Variants in PLEKHM2 observed in about 807,000 individuals in gnomAD.
The protein encoded by PLEKHM2 is pleckstrin homology domain-containing family M member 2.
PLEKHM2 carries 77 observed loss-of-function variants against 116.3 expected under a neutral mutation model. The observed-to-expected ratio is 0.66, with a 90% confidence interval of 0.55 to 0.80. The LOEUF (loss-of-function observed/expected upper bound fraction) is 0.80. PLEKHM2 is among the 30% of genes least tolerant of loss of function. The probability of loss-of-function intolerance (pLI) is 0.00; values close to 1 mark genes in which losing one functional copy is unlikely to be tolerated. For missense variants in PLEKHM2, 1,183 were observed against 1,354.9 expected (o/e 0.87, Z 1.99); for synonymous variants, 562 against 571.0 (o/e 0.98, Z 0.22).
chr1:15,729,774 C>A lies in PLEKHM2; in HGVS notation c.2076-23C>A. The A allele has an allele frequency of 6.2e-7, 1 of 1,600,978 alleles. No homozygotes were observed. Among genetic ancestry groups the A allele is most frequent in the South Asian group, 1.1e-5 (1 of 89,236 alleles). On this transcript the variant is annotated intron_variant, in intron 13 of 19. Coordinates refer to ENST00000375799, the MANE Select transcript of PLEKHM2 (RefSeq NM_015164.4). The surrounding 1 kb of genome is among the most constrained non-coding windows in gnomAD (Gnocchi z 4.7). The stretch of plus-strand genomic sequence containing the variant: ...GAGGCCCTGTTCCCAGGCCTCTAAC[C>A]ACAAACCTCACTCCCTATGCAGGTT...
chr1:15,720,473 A>C, intron 6 of PLEKHM2: 2 of 985,292 alleles, frequency 2.0e-6, no homozygotes, highest in African/African-American at 1.7e-5. Flanking sequence ...TCAGGGACCG[A>C]GGAAGAAGCT....
intron 1 of PLEKHM2, among the ~76,000 whole-genome samples, chr1:15,703,823 C>T (rs1431424331): frequency 5.9e-5 from 9 of 152,144 alleles, no homozygotes; most frequent in African/African-American, 1.7e-4. Flanking sequence ...CTTCCCAGAG[C>T]GCCTGGGAGC....
intron 7 of PLEKHM2, among the ~76,000 whole-genome samples, chr1:15,724,440 G>A (rs868474867): frequency 1.3e-5 from 2 of 151,222 alleles, no homozygotes; most frequent in African/African-American, 2.4e-5. Context: ...CCGGGCTCGC[G>A]CCACTGCGCT....
rs1420793300 is a variant in PLEKHM2 at position 15,727,452 on chromosome 1, C to T, written c.1380C>T (p.Ala460=). The T allele has an allele frequency of 2.5e-6, 4 of 1,605,000 alleles. No individual in the cohort carries two copies. Among genetic ancestry groups the T allele is most frequent in the Non-Finnish European group, 3.4e-6 (4 of 1,176,526 alleles). Residue 460 remains alanine, a synonymous_variant, in exon 9 of 20, where the codon GCC becomes GCT. Coordinates refer to ENST00000375799, the MANE Select transcript of PLEKHM2 (RefSeq NM_015164.4). The surrounding 1 kb of genome is among the most constrained non-coding windows in gnomAD (Gnocchi z 7.5). ...GCGACTTTAGTGAGGGGCTTTCAGC[C>T]CCAATGGACTTCTACCGCTTTACCG... ...PLCDFSEGLS[A]PMDFYRFTVE...
chr1:15,711,083 C>G (rs1009345989), intron 1 of PLEKHM2, among the ~76,000 whole-genome samples: 1 of 151,922 alleles, frequency 6.6e-6, no homozygotes, highest in Non-Finnish European at 1.5e-5. Context: ...GGAACCTGGC[C>G]GGGCATGACG....
In PLEKHM2 at chr1:15,729,023, C is replaced by T. The variant is rs1369808853; in HGVS notation, c.1987-79C>T. The T allele has an allele frequency of 1.9e-5, 25 of 1,324,632 alleles. No individual in the cohort carries two copies. The East Asian group carries it at 2.8e-4, about 15-fold the overall frequency. 82.1% of individuals were successfully genotyped at this position (1,324,632 alleles called of 1,614,324 possible). ...GGTGTGCTTCTTCCTCCCCAGCAAGCGCTCAGCCTGGCCAAGCTGCCTTCT... is the reference window on the plus strand; with the variant it reads ...GGTGTGCTTCTTCCTCCCCAGCAAGTGCTCAGCCTGGCCAAGCTGCCTTCT... On this transcript the variant is annotated intron_variant, in intron 12 of 19. Coordinates refer to ENST00000375799, the MANE Select transcript of PLEKHM2 (RefSeq NM_015164.4). The surrounding 1 kb of genome is among the most constrained non-coding windows in gnomAD (Gnocchi z 4.7).
chr1:15,695,356 C>T (rs1384596592), intron 1 of PLEKHM2, among the ~76,000 whole-genome samples: 1 of 152,190 alleles, frequency 6.6e-6, no homozygotes, highest in Admixed American at 6.5e-5. Context: ...ACTGCTGAGG[C>T]ATGAGAGTCC....
Position 15,728,712 on chromosome 1 carries a change from C to A in PLEKHM2, c.1965C>A (p.Tyr655Ter). The part of the protein sequence containing the change: ...KPYLVEEAVS[Y>*]NELDYVSVGL... ...ACCTGGTGGAAGAGGCCGTTTCTTACAATGAACTTGACTATGTGTCGGTGA... is the reference window on the plus strand; with the variant it reads ...ACCTGGTGGAAGAGGCCGTTTCTTAAAATGAACTTGACTATGTGTCGGTGA... The change falls in exon 12 of 20, where the codon TAC becomes TAA. Residue 655 changes from tyrosine to a stop codon, truncating the protein, a stop_gained. Coordinates refer to ENST00000375799, the MANE Select transcript of PLEKHM2 (RefSeq NM_015164.4). LOFTEE classifies it high-confidence loss of function. This position sits in a 1 kb window ranked among gnomAD's most constrained non-coding sequence, Gnocchi z 5.9. The A allele has an allele frequency of 6.2e-7, 1 of 1,611,190 alleles. No homozygotes were observed. Among genetic ancestry groups the A allele is most frequent in the Non-Finnish European group, 8.5e-7 (1 of 1,178,688 alleles).
intron 1 of PLEKHM2, among the ~76,000 whole-genome samples, chr1:15,702,926 C>G (rs1641145943): frequency 6.6e-6 from 1 of 151,914 alleles, no homozygotes; most frequent in Non-Finnish European, 1.5e-5. Context: ...CAGGGTCTTG[C>G]TATATTGCCC....
chr1:15,723,655 G>A (rs899438622), intron 7 of PLEKHM2, among the ~76,000 whole-genome samples: 1 of 151,620 alleles, frequency 6.6e-6, no homozygotes, highest in East Asian at 1.9e-4. Flanking sequence ...CAGGGCAGGA[G>A]GATCACTTGA....
rs1212347022 is a variant in PLEKHM2 at position 15,728,620 on chromosome 1, G to A, written c.1922-49G>A. 2.0e-6 allele frequency: 3 copies of A among 1,509,096 alleles called. No homozygotes were observed. The South Asian group carries it at 3.5e-5, about 18-fold the overall frequency. The allele number at this position is 1,509,096 out of a possible 1,614,324, so 93.5% of individuals were successfully genotyped here. On this transcript the variant is annotated intron_variant, in intron 11 of 19. Coordinates refer to ENST00000375799, the MANE Select transcript of PLEKHM2 (RefSeq NM_015164.4). This position sits in a 1 kb window ranked among gnomAD's most constrained non-coding sequence, Gnocchi z 5.9. ...TGTCTAAGAAAATGGGGCAGGGGGAGGGAAAAGAGGCCTGTGGGGATAATA... is the reference window on the plus strand; with the variant it reads ...TGTCTAAGAAAATGGGGCAGGGGGAAGGAAAAGAGGCCTGTGGGGATAATA...
intron 7 of PLEKHM2, among the ~76,000 whole-genome samples, chr1:15,724,804 C>A (rs2068039971): frequency 6.6e-6 from 1 of 152,174 alleles, no homozygotes; most frequent in Admixed American, 6.5e-5. Context: ...CCTTTGTGTT[C>A]CTTTTACCTC....
At chr1:15,691,590 C>T (rs1640889332) in intron 1 of PLEKHM2, among the ~76,000 whole-genome samples, 1 of 152,176 alleles carries the variant, frequency 6.6e-6, no homozygotes. Flanking sequence ...CCGGCGTCGG[C>T]TCTGAGTGAA....
chr1:15,733,650 C>G (rs2148383291), intron 19 of PLEKHM2, 147 bp from the exon 20 acceptor site: 3 of 841,526 alleles, frequency 3.6e-6, no homozygotes, highest in Non-Finnish European at 3.7e-6. Flanking sequence ...GAGAAACTAG[C>G]AGCGTGGAAG....
At chr1:15,687,641 G>A (rs1640800743) in intron 1 of PLEKHM2, among the ~76,000 whole-genome samples, 1 of 152,162 alleles carries the variant, frequency 6.6e-6, no homozygotes, top group African/African-American at 2.4e-5. Context: ...TCCTTTGTGT[G>A]TTTGTTTGAG....
chr1:15,686,555 A>T (rs971493120), intron 1 of PLEKHM2, among the ~76,000 whole-genome samples: 8 of 150,848 alleles, frequency 5.3e-5, no homozygotes, highest in Non-Finnish European at 1.2e-4. Context: ...ATCTCGGCTC[A>T]CTACAACCTC....
chr1:15,728,887 G>C lies in PLEKHM2; in HGVS notation c.1986+154G>C, dbSNP rs947303844. ...CAGAGAGGCTTCTGTACACGATGCT[G>C]GGGGTAAGAACCAAGCTTGAGGTTG... On this transcript the variant is annotated intron_variant, in intron 12 of 19. Transcript: ENST00000375799. The surrounding 1 kb of genome is among the most constrained non-coding windows in gnomAD (Gnocchi z 5.9). Among the ~76,000 whole-genome samples, 1 of 152,194 alleles carries C rather than the reference G, an allele frequency of 6.6e-6. No homozygotes were observed. Among genetic ancestry groups the C allele is most frequent in the African/African-American group, 2.4e-5 (1 of 41,448 alleles).
At chr1:15,699,063 G>A (rs1641059303) in intron 1 of PLEKHM2, among the ~76,000 whole-genome samples, 1 of 152,108 alleles carries the variant, frequency 6.6e-6, no homozygotes, top group African/African-American at 2.4e-5. Flanking sequence ...AGTGGCTCAT[G>A]CCTGTAATCC....
intron 1 of PLEKHM2, among the ~76,000 whole-genome samples, chr1:15,711,052 A>G (rs901381185): frequency 2.0e-5 from 3 of 151,860 alleles, no homozygotes; most frequent in Non-Finnish European, 4.4e-5. Context: ...CTCATGACAT[A>G]TATAAAGATC....
Sources: gnomAD v4.1 joint callset for allele counts (sites outside exome capture counted in the v4.1 genomes callset) on GRCh38, gnomAD v4.1.1 for gene constraint, Gnocchi (gnomAD v3.1) non-coding constraint, MANE v1.5 for transcripts, NCBI Gene and HGNC (gene_info 2026-07-23, HGNC 2026-07-21) for gene names.